The following CTNNA2 variants were observed in gnomAD, a reference collection of about 807,000 sequenced individuals.
CTNNA2 encodes the protein catenin alpha 2, also known as catenin alpha-2.
Under a neutral mutation model 101.0 loss-of-function variants are expected in CTNNA2, and 42 were observed. That is an observed-to-expected ratio of 0.42 (90% CI 0.32 to 0.54). The LOEUF is 0.54. Ranked by LOEUF, CTNNA2 falls within the 20% of genes least tolerant of loss-of-function variation. CTNNA2 has a pLI of 0.14. For missense variants in CTNNA2, 871 were observed against 1,223.1 expected (o/e 0.71, Z 4.29); for synonymous variants, 450 against 456.4 (o/e 0.99, Z 0.18).
intron 7 of CTNNA2, among the ~76,000 whole-genome samples, chr2:80,086,093 A>T (rs926823351): frequency 1.3e-5 from 2 of 152,118 alleles, no homozygotes; most frequent in African/African-American, 4.8e-5. Flanking sequence ...GTAATAGAAG[A>T]CAATAAGGTG....
chr2:80,360,945 G>T (rs778941992), intron 7 of CTNNA2, among the ~76,000 whole-genome samples: 1 of 151,792 alleles, frequency 6.6e-6, no homozygotes, highest in Admixed American at 6.6e-5. Context: ...ATTATTAAAC[G>T]TATTATAGTG....
intron 9 of CTNNA2, among the ~76,000 whole-genome samples, chr2:80,477,622 T>C (rs190878805): frequency 2.0e-5 from 3 of 152,234 alleles, no homozygotes; most frequent in Non-Finnish European, 4.4e-5. Flanking sequence ...GATTTTCTGC[T>C]TCTGCATCAC....
At chr2:79,365,392 G>T (rs1677723199) in intron 3 of CTNNA2, among the ~76,000 whole-genome samples, 1 of 152,178 alleles carries the variant, frequency 6.6e-6, no homozygotes, top group Non-Finnish European at 1.5e-5. Flanking sequence ...GGAGGCCAAG[G>T]CAGGAGGATT....
At chr2:80,486,369 A>G (rs574460845) in intron 9 of CTNNA2, among the ~76,000 whole-genome samples, 434 of 152,280 alleles carry the variant, frequency 2.9e-3, no homozygotes, top group African/African-American at 9.7e-3. Context: ...CTATTCACAA[A>G]CCCTGTGACT....
In CTNNA2 at chr2:79,450,498, A is replaced by C. The variant is rs190841411; in HGVS notation, c.-134-54556A>C. On this transcript the variant is annotated intron_variant, in intron 4 of 21. Coordinates refer to the CTNNA2 transcript ENST00000466387. ...AAGGATCACATTTTGAGTTTTAGAG[A>C]TTATATAGTATAAAACTGTTCCATA... is the stretch of plus-strand genomic sequence containing the variant. 1.0e-3 allele frequency among the ~76,000 whole-genome samples: 158 copies of C among 152,156 alleles called. 1 individual carries two copies. Among genetic ancestry groups the C allele is most frequent in the Admixed American group, 5.9e-3 (90 of 15,252 alleles).
intron 2 of CTNNA2, among the ~76,000 whole-genome samples, chr2:79,687,101 A>G (rs1683981427): frequency 1.3e-5 from 2 of 152,122 alleles, no homozygotes; most frequent in South Asian, 4.1e-4. Context: ...CATGATGGAC[A>G]CATTCTGTGC....
At chr2:79,661,857 T>TA (rs1682059348) in intron 2 of CTNNA2, among the ~76,000 whole-genome samples, 1 of 151,716 alleles carries the variant, frequency 6.6e-6, no homozygotes. Context: ...TCTTACAGAT[T>TA]AAAAAAAAGA....
intron 7 of CTNNA2, among the ~76,000 whole-genome samples, chr2:80,145,047 C>T (rs954120408): frequency 6.6e-6 from 1 of 152,170 alleles, no homozygotes; most frequent in African/African-American, 2.4e-5. Context: ...AGAACCACTG[C>T]TCTCTGTCAA....
intron 3 of CTNNA2, among the ~76,000 whole-genome samples, chr2:79,836,340 CAA>C (rs1679364240): frequency 6.6e-6 from 1 of 152,160 alleles, no homozygotes; most frequent in South Asian, 2.1e-4. Flanking sequence ...AGCATTTTCT[CAA>C]AGTCTTGTGG....
chr2:79,372,195 G>A (rs533377438), intron 3 of CTNNA2, among the ~76,000 whole-genome samples: 1 of 152,200 alleles, frequency 6.6e-6, no homozygotes, highest in East Asian at 1.9e-4. Flanking sequence ...CTGGTGGCAG[G>A]CAGGGAGCTA....
At chr2:79,227,956 C>T (rs58517530) in intron 2 of CTNNA2, among the ~76,000 whole-genome samples, 5,437 of 152,188 alleles carry the variant, frequency 0.036, 266 homozygotes, top group African/African-American at 0.11. Context: ...GTTACAATCA[C>T]GTACATTCAA....
At chr2:79,424,337 A>G (rs1009231939) in intron 4 of CTNNA2, among the ~76,000 whole-genome samples, 3 of 152,132 alleles carry the variant, frequency 2.0e-5, no homozygotes, top group African/African-American at 7.2e-5. Flanking sequence ...TATTCTTCAT[A>G]TTCAAGTTTT....
At chr2:79,721,859 A>G (rs1686510942) in intron 2 of CTNNA2, among the ~76,000 whole-genome samples, 1 of 152,232 alleles carries the variant, frequency 6.6e-6, no homozygotes, top group Non-Finnish European at 1.5e-5. Flanking sequence ...CTGAAACAAT[A>G]GCAATGTTTT....
intron 7 of CTNNA2, among the ~76,000 whole-genome samples, chr2:80,391,314 A>G (rs1677492403): frequency 1.3e-5 from 2 of 152,044 alleles, no homozygotes; most frequent in South Asian, 4.2e-4. Flanking sequence ...GGTTGTATAG[A>G]TATGGCACTG....
At chr2:79,556,528 C>G (rs1390980812) in intron 1 of CTNNA2, among the ~76,000 whole-genome samples, 1 of 152,020 alleles carries the variant, frequency 6.6e-6, no homozygotes, top group Non-Finnish European at 1.5e-5. Context: ...GAATTGAAGC[C>G]AGTCCCCTGA....
At chr2:79,196,141 C>A (rs1673957658) in intron 1 of CTNNA2, among the ~76,000 whole-genome samples, 1 of 152,212 alleles carries the variant, frequency 6.6e-6, no homozygotes, top group African/African-American at 2.4e-5. Context: ...ACCATGTTGG[C>A]CAGGCAGGTC....
At chr2:79,446,755 T>C (rs1211257889) in intron 4 of CTNNA2, among the ~76,000 whole-genome samples, 1 of 152,050 alleles carries the variant, frequency 6.6e-6, no homozygotes, top group African/African-American at 2.4e-5. Flanking sequence ...ATCCCACAGC[T>C]ATTGTGTTGT....
At chr2:80,049,044 G>A (rs1330263290) in intron 7 of CTNNA2, among the ~76,000 whole-genome samples, 1 of 152,206 alleles carries the variant, frequency 6.6e-6, no homozygotes, top group East Asian at 1.9e-4. Flanking sequence ...AGGCATTCGA[G>A]CAGGGAAGTA....
At chr2:80,506,516 T>A (rs1688292436) in intron 9 of CTNNA2, among the ~76,000 whole-genome samples, 1 of 152,134 alleles carries the variant, frequency 6.6e-6, no homozygotes, top group Admixed American at 6.5e-5. Flanking sequence ...TTGGGCAATT[T>A]AAAGGAATTT....
Sources: gnomAD v4.1 joint callset for allele counts (sites outside exome capture counted in the v4.1 genomes callset) on GRCh38, gnomAD v4.1.1 for gene constraint, MANE v1.5 for transcripts, NCBI Gene and HGNC (gene_info 2026-07-23, HGNC 2026-07-21) for gene names.